Variants in NETO1 observed in about 807,000 individuals in gnomAD.
The protein encoded by NETO1 is neuropilin and tolloid like 1, also known as neuropilin and tolloid-like protein 1.
A neutral mutation model predicts 61.3 loss-of-function variants in NETO1; 26 were observed. The observed-to-expected ratio is 0.42, with a 90% confidence interval of 0.31 to 0.59. NETO1 has a LOEUF of 0.59. NETO1 is among the 20% of genes least tolerant of loss of function. The pLI is 0.12. For synonymous variants in NETO1, 225 were observed against 225.8 expected (o/e 1.00, Z 0.03); for missense variants, 531 against 662.8 (o/e 0.80, Z 2.18).
At chr18:72,833,448 T>G (rs1306306526) in intron 4 of NETO1, among the ~76,000 whole-genome samples, 1 of 152,196 alleles carries the variant, frequency 6.6e-6, no homozygotes. Flanking sequence ...CATTTCCCAC[T>G]AAACTACAAG....
intron 7 of NETO1, among the ~76,000 whole-genome samples, chr18:72,757,399 T>TA (rs2070818915): frequency 4.0e-5 from 3 of 75,014 alleles, no homozygotes; most frequent in South Asian, 3.2e-4. Flanking sequence ...GAGAAATCCT[T>TA]TAAAAAAAAA....
chr18:72,790,580 C>G (rs761010885), intron 6 of NETO1, among the ~76,000 whole-genome samples: 9 of 151,970 alleles, frequency 5.9e-5, no homozygotes, highest in Non-Finnish European at 1.2e-4. Flanking sequence ...TACAAAATCT[C>G]TGCCAGACTC....
rs1190838801 is a variant in NETO1, at chr18:72,745,073, A to C, written c.*3106T>G. 1 of 152,232 alleles carries C rather than the reference A, an allele frequency of 6.6e-6. No homozygotes were observed. Among genetic ancestry groups the C allele is most frequent in the Non-Finnish European group, 1.5e-5 (1 of 68,040 alleles). The allele number at this position is 152,232 out of a possible 1,614,324, so 9.4% of individuals were successfully genotyped here. A position where few individuals can be genotyped will look rare whatever the true frequency, so the allele number is the denominator to read the frequency against. The stretch of plus-strand genomic sequence containing the variant: ...ACTTCTAGAGCAAAAGTAAATGTGA[A>C]ACAGAAAAACCAGCAACACCACAAT... On this transcript the variant is annotated 3_prime_UTR_variant, in exon 11 of 11. Coordinates refer to ENST00000327305, the MANE Select transcript of NETO1 (RefSeq NM_138966.5).
At chr18:72,865,074 A>G in intron 2 of NETO1, 114 bp downstream of exon 2, 1 of 1,384,428 alleles carries the variant, frequency 7.2e-7, no homozygotes, top group South Asian at 1.3e-5. Context: ...CAAACCAATC[A>G]ATTATACATA....
intron 7 of NETO1, among the ~76,000 whole-genome samples, chr18:72,757,973 C>A (rs1447155858): frequency 6.6e-6 from 1 of 152,096 alleles, no homozygotes; most frequent in Admixed American, 6.6e-5. Flanking sequence ...AATTACCCAT[C>A]AAGTAGGAAA....
In NETO1 at chr18:72,801,857, T is replaced by A. The variant is rs887914939; in HGVS notation, c.470-7453A>T. 2.0e-5 allele frequency among the ~76,000 whole-genome samples: 3 copies of A among 152,118 alleles called. No homozygotes were observed. In the East Asian group the frequency reaches 5.8e-4, roughly 29 times the overall value. On this transcript the variant is annotated intron_variant, in intron 4 of 10. Coordinates refer to ENST00000327305, the MANE Select transcript of NETO1 (RefSeq NM_138966.5). ...TAGTTATACCATATTTTTCTTATGG[T>A]GAAGGATGGACATCTGTCTTAGAAA...
chr18:72,825,461 A>C (rs1009187647), intron 4 of NETO1, among the ~76,000 whole-genome samples: 5 of 151,862 alleles, frequency 3.3e-5, no homozygotes, highest in African/African-American at 1.2e-4. Flanking sequence ...TTTTTGGATC[A>C]ATTTTTATTA....
chr18:72,762,153 A>T (rs919892266), intron 7 of NETO1, among the ~76,000 whole-genome samples: 2 of 140,708 alleles, frequency 1.4e-5, no homozygotes, highest in South Asian at 4.6e-4. Context: ...TGGGTAAAAA[A>T]TTAGAATACA....
At chr18:72,824,821 G>A (rs927570031) in intron 4 of NETO1, among the ~76,000 whole-genome samples, 14 of 152,142 alleles carry the variant, frequency 9.2e-5, no homozygotes, top group African/African-American at 3.1e-4. Flanking sequence ...GGAGGCTGCA[G>A]TGAGCCAAGA....
In NETO1 at chr18:72,867,741, T is replaced by C; in HGVS notation, c.-450A>G. ...GGGCCGGGGAGAGGGCGCAGCGAGG[T>C]GGGGGCCAGTCCAGACCGACGGCAG... On this transcript the variant is annotated 5_prime_UTR_variant, in exon 1 of 11. Transcript: ENST00000327305. The C allele has an allele frequency of 6.8e-6, 1 of 146,736 alleles. No homozygotes were observed. Among genetic ancestry groups the C allele is most frequent in the Non-Finnish European group, 1.5e-5 (1 of 66,586 alleles). 9.1% of individuals were successfully genotyped at this position (146,736 alleles called of 1,614,324 possible). A position where few individuals can be genotyped will look rare whatever the true frequency, so the allele number is the denominator to read the frequency against.
At position 72,745,705 on chromosome 18, in the gene NETO1, C is replaced by T. The variant is rs1479039060; in HGVS notation, c.*2474G>A. On this transcript the variant is annotated 3_prime_UTR_variant, in exon 11 of 11. Transcript: ENST00000327305. ...ATATATTGACAAATTTCAATACTGG[C>T]TGATAAATAAGCACCGCCAGAGCCC... 6.6e-6 allele frequency: 1 copy of T among 152,160 alleles called. No homozygotes were observed. The highest frequency in any genetic ancestry group is 2.4e-5 in the African/African-American group (1 of 41,436). 9.4% of individuals were successfully genotyped at this position (152,160 alleles called of 1,614,324 possible).
intron 4 of NETO1, among the ~76,000 whole-genome samples, chr18:72,857,931 T>C (rs1025678847): frequency 3.9e-5 from 6 of 152,276 alleles, no homozygotes; most frequent in African/African-American, 1.4e-4. Flanking sequence ...TAACTGAGTA[T>C]CAAAGCTGTA....
chr18:72,804,373 A>G (rs1056295666), intron 4 of NETO1, among the ~76,000 whole-genome samples: 47 of 152,214 alleles, frequency 3.1e-4, no homozygotes, highest in African/African-American at 1.0e-3. Flanking sequence ...TCATAATCCA[A>G]TGAAATTTCA....
At chr18:72,781,012 T>G (rs1304448430) in intron 7 of NETO1, among the ~76,000 whole-genome samples, 1 of 152,210 alleles carries the variant, frequency 6.6e-6, no homozygotes, top group Non-Finnish European at 1.5e-5. Flanking sequence ...TTTTTATCAG[T>G]CATAATCAAA....
intron 4 of NETO1, chr18:72,834,407 A>G (rs1207284107): frequency 1.0e-6 from 1 of 961,358 alleles, no homozygotes; most frequent in Non-Finnish European, 1.2e-6. Context: ...TGAAGGGAGT[A>G]TAAGAAAATT....
At position 72,830,228 on chromosome 18, in the gene NETO1, C is replaced by T. The variant is rs527416059; in HGVS notation, c.469+28598G>A. 1.8e-4 allele frequency among the ~76,000 whole-genome samples: 27 copies of T among 152,144 alleles called. No homozygotes were observed. Among genetic ancestry groups the T allele is most frequent in the Non-Finnish European group, 1.6e-4 (11 of 68,002 alleles). The stretch of plus-strand genomic sequence containing the variant: ...GGAAGGAAGCAGCCCTCCCAAGAGA[C>T]GGGAACAGCAGTGCTATCTTGGTGC... On this transcript the variant is annotated intron_variant, in intron 4 of 10. Transcript: ENST00000327305. This position sits in a 1 kb window ranked among gnomAD's most constrained non-coding sequence, Gnocchi z 4.9.
chr18:72,836,335 T>C (rs2073748857), intron 4 of NETO1, among the ~76,000 whole-genome samples: 2 of 152,052 alleles, frequency 1.3e-5, no homozygotes, highest in South Asian at 2.1e-4. Context: ...TATACTTATC[T>C]CATAAGTTAG....
At chr18:72,822,951 C>T (rs1445295804) in intron 4 of NETO1, among the ~76,000 whole-genome samples, 3 of 152,106 alleles carry the variant, frequency 2.0e-5, no homozygotes, top group East Asian at 1.9e-4. Context: ...CCTACCAAAT[C>T]GTTACAATGT....
intron 4 of NETO1, among the ~76,000 whole-genome samples, chr18:72,822,408 CAAG>C (rs908573999): frequency 3.3e-4 from 51 of 152,270 alleles, no homozygotes; most frequent in African/African-American, 1.2e-3. Context: ...GAACAGATAA[CAAG>C]AAGGACAGCT....
Sources: allele counts gnomAD v4.1 joint callset (sites outside exome capture counted in the v4.1 genomes callset), GRCh38; gene constraint gnomAD v4.1.1; non-coding constraint Gnocchi (gnomAD v3.1); transcripts MANE v1.5; gene names NCBI Gene and HGNC (gene_info 2026-07-23, HGNC 2026-07-21).